PDE8A: variants seen among roughly 807,000 people sequenced by gnomAD.
PDE8A encodes the protein phosphodiesterase 8A.
In PDE8A, 59 loss-of-function variants were observed where a neutral mutation model predicts 105.0. The ratio of observed to expected loss-of-function variants is 0.56; its 90% CI spans 0.46 to 0.70. PDE8A has a LOEUF of 0.70. Among genes scored for constraint, PDE8A ranks in the 30% least tolerant of loss-of-function variants. PDE8A has a pLI of 0.00. For missense variants in PDE8A, 1,014 were observed against 1,045.9 expected (o/e 0.97, Z 0.42); for synonymous variants, 355 against 371.9 (o/e 0.95, Z 0.52).
At chr15:84,989,570 T>G (rs1203311018) in intron 1 of PDE8A, among the ~76,000 whole-genome samples, 1 of 152,206 alleles carries the variant, frequency 6.6e-6, no homozygotes. Context: ...ATGTGTGTTT[T>G]GGGTCCAGCT....
In PDE8A at chr15:85,124,749, G is replaced by A. The variant is rs924290233; in HGVS notation, c.2086-1458G>A. The stretch of plus-strand genomic sequence containing the variant: ...GGTGCCTGTACCAGCCTGTTTTATT[G>A]GCTCCTGCCCTGCCATTCTGGATAG... On this transcript the variant is annotated intron_variant, in intron 19 of 21. Transcript: ENST00000394553. 2.6e-5 allele frequency among the ~76,000 whole-genome samples: 4 copies of A among 152,208 alleles called. No homozygotes were observed. In the East Asian group the frequency reaches 7.7e-4, roughly 29 times the overall value.
rs1215873203 is a variant in PDE8A at position 84,993,187 on chromosome 15, T to G, written c.186+10839T>G. Among the ~76,000 whole-genome samples the G allele has an allele frequency of 2.0e-5, 3 of 151,794 alleles. No individual in the cohort carries two copies. The East Asian group carries it at 5.8e-4, about 30-fold the overall frequency. On this transcript the variant is annotated intron_variant, in intron 1 of 21. Coordinates refer to ENST00000394553, the MANE Select transcript of PDE8A (RefSeq NM_002605.3). ...GGCTGGGCGTGGTGGCTCATGCCTG[T>G]AATCCCAGCACTTTGGGAGGCCAAG... is the stretch of plus-strand genomic sequence containing the variant.
intron 20 of PDE8A, among the ~76,000 whole-genome samples, chr15:85,127,675 A>C (rs183538801): frequency 3.5e-4 from 53 of 152,330 alleles, no homozygotes; most frequent in African/African-American, 1.3e-3. Flanking sequence ...TTTAATGAAC[A>C]CTTGAATAAA....
intron 8 of PDE8A, among the ~76,000 whole-genome samples, chr15:85,091,480 A>T (rs949685889): frequency 7.2e-5 from 11 of 152,208 alleles, no homozygotes; most frequent in African/African-American, 2.7e-4. Context: ...TTAGTTGTAG[A>T]TGTTGGCAAA....
At chr15:85,053,318 C>G (rs1289188903) in intron 1 of PDE8A, among the ~76,000 whole-genome samples, 1 of 152,056 alleles carries the variant, frequency 6.6e-6, no homozygotes, top group East Asian at 1.9e-4. Context: ...TTTTATGGTT[C>G]CATATGAACT....
chr15:85,021,681 A>G (rs1460089660), intron 1 of PDE8A, among the ~76,000 whole-genome samples: 1 of 152,232 alleles, frequency 6.6e-6, no homozygotes, highest in South Asian at 2.1e-4. Flanking sequence ...AGGATCACAC[A>G]TTAAATTATC....
At chr15:85,047,778 G>T (rs2080910135) in intron 1 of PDE8A, among the ~76,000 whole-genome samples, 1 of 152,148 alleles carries the variant, frequency 6.6e-6, no homozygotes, top group South Asian at 2.1e-4. Flanking sequence ...TGTTTACCTA[G>T]GAGGGATGAG....
chr15:85,002,842 C>T (rs913860143), intron 1 of PDE8A, among the ~76,000 whole-genome samples: 6 of 152,196 alleles, frequency 3.9e-5, no homozygotes, highest in African/African-American at 1.2e-4. Flanking sequence ...TCACTTCTTT[C>T]ACCTTTATTG....
chr15:85,099,034 G>C (rs8038149), intron 9 of PDE8A, among the ~76,000 whole-genome samples: 82,741 of 151,978 alleles, frequency 0.54, 23,674 homozygotes, highest in African/African-American at 0.74. Flanking sequence ...TAAAATGATA[G>C]CTAGTGTTTA....
At chr15:85,096,973 A>G (rs767310245) in intron 8 of PDE8A, among the ~76,000 whole-genome samples, 8 of 152,128 alleles carry the variant, frequency 5.3e-5, no homozygotes, top group African/African-American at 1.9e-4. Context: ...AAACAAGAAT[A>G]TTTCAGAATT....
intron 16 of PDE8A, 97 bp from the exon 17 acceptor site, chr15:85,117,544 C>A: frequency 1.0e-6 from 1 of 996,100 alleles, no homozygotes; most frequent in South Asian, 1.3e-5. Context: ...TGCTGCCCTG[C>A]ACTCTCTGAA....
chr15:85,113,267 C>A, intron 12 of PDE8A, 110 bp from the exon 13 acceptor site: 1 of 882,824 alleles, frequency 1.1e-6, no homozygotes, highest in Non-Finnish European at 1.9e-6. Context: ...TCAGCAAACT[C>A]AGTTCTATCC....
intron 1 of PDE8A, among the ~76,000 whole-genome samples, chr15:85,027,217 G>C (rs1329085351): frequency 6.6e-6 from 1 of 152,212 alleles, no homozygotes; most frequent in Non-Finnish European, 1.5e-5. Context: ...GTCTGGGCCA[G>C]GAGTCAAAAC....
chr15:85,003,013 G>A (rs575295083), intron 1 of PDE8A, among the ~76,000 whole-genome samples: 18 of 152,116 alleles, frequency 1.2e-4, no homozygotes, highest in African/African-American at 4.1e-4. Flanking sequence ...ACTTCTTTGA[G>A]TTTAGTGAGA....
At chr15:84,991,781 T>C (rs1211850677) in intron 1 of PDE8A, among the ~76,000 whole-genome samples, 2 of 152,208 alleles carry the variant, frequency 1.3e-5, no homozygotes, top group Admixed American at 6.5e-5. Flanking sequence ...GTTTTAGATA[T>C]TAACTTTGAT....
intron 5 of PDE8A, among the ~76,000 whole-genome samples, chr15:85,079,158 CA>C (rs1378785028): frequency 1.3e-5 from 2 of 152,146 alleles, no homozygotes. Flanking sequence ...TAGTCCCAAA[CA>C]GATAAACATA....
intron 20 of PDE8A, among the ~76,000 whole-genome samples, chr15:85,127,753 G>GT (rs1409904707): frequency 6.6e-6 from 1 of 152,050 alleles, no homozygotes; most frequent in Non-Finnish European, 1.5e-5. Flanking sequence ...CCAAATTGGT[G>GT]TTTCAATTCA....
chr15:85,117,429 G>A (rs2082113233), intron 16 of PDE8A, among the ~76,000 whole-genome samples: 1 of 152,164 alleles, frequency 6.6e-6, no homozygotes, highest in African/African-American at 2.4e-5. Context: ...GCTGTGGGCA[G>A]CCAGCTCTCA....
At chr15:85,096,126 C>G (rs554386084) in intron 8 of PDE8A, among the ~76,000 whole-genome samples, 3 of 152,124 alleles carry the variant, frequency 2.0e-5, no homozygotes, top group African/African-American at 7.2e-5. Flanking sequence ...CCACTCGCCT[C>G]AGCCTCCCAA....
Sources: allele counts gnomAD v4.1 joint callset (sites outside exome capture counted in the v4.1 genomes callset), GRCh38; gene constraint gnomAD v4.1.1; transcripts MANE v1.5; gene names NCBI Gene and HGNC (gene_info 2026-07-23, HGNC 2026-07-21).